HEATR1: variants seen among roughly 807,000 people sequenced by gnomAD.
The protein encoded by HEATR1 is HEAT repeat containing 1.
HEATR1 carries 77 observed loss-of-function variants against 248.2 expected under a neutral mutation model. The ratio of observed to expected loss-of-function variants is 0.31; its 90% confidence interval spans 0.26 to 0.37. The LOEUF is 0.37. Ranked by LOEUF, HEATR1 falls within the 10% of genes least tolerant of loss-of-function variation. The probability of loss-of-function intolerance (pLI) is 1.00; values close to 1 mark genes in which losing one functional copy is unlikely to be tolerated. For missense variants in HEATR1, 2,420 were observed against 2,504.9 expected (o/e 0.97, Z 0.72); for synonymous variants, 897 against 923.1 (o/e 0.97, Z 0.51).
chr1:236,564,291 C>A (rs1233475707), intron 32 of HEATR1, among the ~76,000 whole-genome samples: 2 of 152,164 alleles, frequency 1.3e-5, no homozygotes, highest in Admixed American at 1.3e-4. Context: ...AATGAAACCA[C>A]TGAGTCACAG....
intron 19 of HEATR1, among the ~76,000 whole-genome samples, 168 bp from the exon 20 acceptor site, chr1:236,581,582 G>T (rs940543379): frequency 6.6e-6 from 1 of 152,150 alleles, no homozygotes; most frequent in African/African-American, 2.4e-5. Context: ...AATGAACTGG[G>T]AAGATGTCAA....
At chr1:236,587,231 AAATT>A (rs950689290) in intron 14 of HEATR1, among the ~76,000 whole-genome samples, 167 bp downstream of exon 14, 12 of 152,070 alleles carry the variant, frequency 7.9e-5, no homozygotes, top group African/African-American at 2.7e-4. Context: ...ACACAAACAC[AAATT>A]AATTAACTGT....
chr1:236,596,000 C>T lies in HEATR1; in HGVS notation c.789G>A (p.Met263Ile), dbSNP rs1192733099. The change falls in exon 7 of 45, where the codon ATG (methionine) becomes ATA (isoleucine). Residue 263 changes from methionine (M) to isoleucine (I), a missense_variant. Transcript: ENST00000366582. ...CTTTCACAGAAATCTGACATATTAT[C>T]ATGTATGTTGCAGCTCTGTAATCTG... ...SLPDYRAATY[M>I]IICQISVKVT... 6.2e-7 allele frequency: 1 copy of T among 1,613,600 alleles called. No homozygotes were observed.
intron 1 of HEATR1, 105 bp from the exon 2 acceptor site, chr1:236,604,232 G>T: frequency 2.3e-6 from 2 of 865,248 alleles, no homozygotes; most frequent in Non-Finnish European, 3.3e-6. Context: ...ACACAACGCG[G>T]GTGTCCTGAG....
chr1:236,589,937 TG>T (rs1370010283), intron 12 of HEATR1, among the ~76,000 whole-genome samples: 1 of 152,222 alleles, frequency 6.6e-6, no homozygotes, highest in Non-Finnish European at 1.5e-5. Flanking sequence ...CTACTATCAG[TG>T]GTAATTTGTA....
intron 8 of HEATR1, among the ~76,000 whole-genome samples, chr1:236,594,991 G>A (rs1331528758): frequency 6.6e-6 from 1 of 151,988 alleles, no homozygotes. Context: ...GTAGAGACGG[G>A]GTTTTGCCAT....
In HEATR1 at chr1:236,558,508, C is replaced by T. The variant is rs1384881656; in HGVS notation, c.4933G>A (p.Val1645Ile). ...TGCACAATGGCCAAAAGGTCTGGAA[C>T]CAGTTTTAGGAAACGGGTAACCTGA... ...KTIVTRFLKLVPDLLAIVQRK... is the reference protein window; with the variant it reads ...KTIVTRFLKLIPDLLAIVQRK... The change falls in exon 36 of 45, where the codon GTT (valine) becomes ATT (isoleucine). Residue 1645 changes from valine (V) to isoleucine (I), a missense_variant. Val to Ile is a conservative substitution (Grantham distance 29). Transcript: ENST00000366582. The T allele has an allele frequency of 1.2e-6, 2 of 1,613,132 alleles. No individual in the cohort carries two copies. Among genetic ancestry groups the T allele is most frequent in the South Asian group, 2.2e-5 (2 of 91,038 alleles).
At chr1:236,568,024 T>C (rs1396489762) in intron 29 of HEATR1, among the ~76,000 whole-genome samples, 1 of 152,252 alleles carries the variant, frequency 6.6e-6, no homozygotes, top group Non-Finnish European at 1.5e-5. Flanking sequence ...AATGTCTACC[T>C]GTCTCAACCC....
At chr1:236,573,063 A>G (rs2103135223) in intron 24 of HEATR1, among the ~76,000 whole-genome samples, 1 of 152,340 alleles carries the variant, frequency 6.6e-6, no homozygotes, top group East Asian at 1.9e-4. Flanking sequence ...TCTAGCCAAC[A>G]TAAATTCAAC....
Position 236,581,333 on chromosome 1 carries a change from T to C in HEATR1, c.2644A>G (p.Asn882Asp). Residue 882 changes from asparagine to aspartate, a missense_variant, in exon 20 of 45, where the codon AAC (asparagine) becomes GAC (aspartate). By Grantham distance (23) the Asn-to-Asp change is conservative. Transcript: ENST00000366582. ...TGCAGCACTGTTTTCACACTGCAGTTTAGTGGATTTGAAAGGCTAGAACCA... is the reference window on the plus strand; with the variant it reads ...TGCAGCACTGTTTTCACACTGCAGTCTAGTGGATTTGAAAGGCTAGAACCA... The part of the protein sequence containing the change: ...TYGSSLSNPL[N>D]CSVKTVLQTQ... 6.2e-7 allele frequency: 1 copy of C among 1,612,258 alleles called. No homozygotes were observed. The highest frequency in any genetic ancestry group is 8.5e-7 in the Non-Finnish European group (1 of 1,179,400).
intron 3 of HEATR1, chr1:236,602,903 GCCCAGC>G: frequency 8.3e-6 from 3 of 361,472 alleles, no homozygotes; most frequent in Non-Finnish European, 1.5e-5. Flanking sequence ...CAGCCTGAGT[GCCCAGC>G]AAGACTCTAT....
intron 20 of HEATR1, among the ~76,000 whole-genome samples, chr1:236,579,706 ATT>A (rs1366178753): frequency 6.6e-6 from 1 of 152,146 alleles, no homozygotes; most frequent in African/African-American, 2.4e-5. Context: ...AAAGACCGAA[ATT>A]TTGTAAGCGA....
intron 4 of HEATR1, 135 bp from the exon 5 acceptor site, chr1:236,598,114 G>T (rs1664225269): frequency 1.9e-6 from 1 of 536,648 alleles, no homozygotes; most frequent in African/African-American, 1.9e-5. Flanking sequence ...ATAACTGGTG[G>T]TGGTGATGAA....
At position 236,595,844 on chromosome 1, in the gene HEATR1, G is replaced by T; in HGVS notation, c.945C>A (p.Ser315Arg). 1 of 1,612,618 alleles carries T rather than the reference G, an allele frequency of 6.2e-7. No homozygotes were observed. The highest frequency in any genetic ancestry group is 8.5e-7 in the Non-Finnish European group (1 of 1,178,910). Reference sequence around the variant, plus strand: ...TCAATTGTACATACTTTTTCCCAAGGCTCTCTGGCTTCTGTCTCTGCAGGA... The same window carrying T: ...TCAATTGTACATACTTTTTCCCAAGTCTCTCTGGCTTCTGTCTCTGCAGGA... ...IVLLQRQKPE[S>R]LGKKPFPHLC... Residue 315 changes from serine to arginine, a missense_variant, in exon 7 of 45, where the codon AGC (serine) becomes AGA (arginine). By Grantham distance (110) the Ser-to-Arg change is moderately radical (BLOSUM62 -1). Transcript: ENST00000366582.
rs145593039 is a variant in HEATR1 at position 236,578,883 on chromosome 1, A to G, written c.2756-1934T>C. Reference sequence around the variant, plus strand: ...TAGTAGGAATGCATCTGTGAGACCAACTGCGCTAGGGTTTTTAAAAAGATG... The same window carrying G: ...TAGTAGGAATGCATCTGTGAGACCAGCTGCGCTAGGGTTTTTAAAAAGATG... On this transcript the variant is annotated intron_variant, in intron 20 of 44. Transcript: ENST00000366582. 3.9e-3 allele frequency among the ~76,000 whole-genome samples: 595 copies of G among 152,280 alleles called. 6 individuals carry two copies. The highest frequency in any genetic ancestry group is 0.014 in the African/African-American group (570 of 41,554).
At position 236,595,582 on chromosome 1, in the gene HEATR1, T is replaced by C. The variant is rs144891600; in HGVS notation, c.1048A>G (p.Met350Val). 5,222 of 1,611,722 alleles carry C rather than the reference T, an allele frequency of 3.2e-3. 15 individuals are homozygous for C. The highest frequency in any genetic ancestry group is 0.01 in the Middle Eastern group (62 of 6,058). Reference sequence around the variant, plus strand: ...ATGGAGACGACCAGATGGGGAAGCATGTAATGCAGAAGAGGACTGACATCG... The same window carrying C: ...ATGGAGACGACCAGATGGGGAAGCACGTAATGCAGAAGAGGACTGACATCG... Reference protein sequence around the residue: ...TYDVSPLLHYMLPHLVVSIIH... With the variant: ...TYDVSPLLHYVLPHLVVSIIH... Residue 350 changes from methionine (M) to valine (V), a missense_variant, in exon 8 of 45, where the codon ATG (methionine) becomes GTG (valine). Physicochemically the swap from Met to Val is conservative, Grantham distance 21. Coordinates refer to ENST00000366582, the MANE Select transcript of HEATR1 (RefSeq NM_018072.6).
rs181280980 is a variant in HEATR1 at position 236,560,206 on chromosome 1, G to T, written c.4647-369C>A. Among the ~76,000 whole-genome samples the T allele has an allele frequency of 3.5e-3, 528 of 152,002 alleles. 1 individual carries two copies. The highest frequency in any genetic ancestry group is 5.7e-3 in the Non-Finnish European group (389 of 67,944). ...ATGGCCCTAGGTTAATGGCAGGTGT[G>T]TGCGCGCACACACACACAGGCACAC... is the stretch of plus-strand genomic sequence containing the variant. On this transcript the variant is annotated intron_variant, in intron 33 of 44. Coordinates refer to ENST00000366582, the MANE Select transcript of HEATR1 (RefSeq NM_018072.6).
chr1:236,551,949 A>T, intron 44 of HEATR1, 50 bp downstream of exon 44: 2 of 1,223,552 alleles, frequency 1.6e-6, no homozygotes, highest in Non-Finnish European at 2.4e-6. Flanking sequence ...ACAGAATTTT[A>T]CTGAATTATT....
intron 11 of HEATR1, among the ~76,000 whole-genome samples, chr1:236,591,224 T>C (rs941451486): frequency 6.6e-6 from 1 of 152,212 alleles, no homozygotes; most frequent in Non-Finnish European, 1.5e-5. Context: ...CAAAGTAATT[T>C]TGTATTTTGT....
Sources: allele counts gnomAD v4.1 joint callset (sites outside exome capture counted in the v4.1 genomes callset), GRCh38; gene constraint gnomAD v4.1.1; transcripts MANE v1.5; gene names NCBI Gene and HGNC (gene_info 2026-07-23, HGNC 2026-07-21).